MTUS2: variants seen among roughly 807,000 people sequenced by gnomAD.
MTUS2 encodes the protein microtubule associated scaffold protein 2.
MTUS2 carries 40 observed loss-of-function variants against 114.1 expected under a neutral mutation model. The ratio of observed to expected loss-of-function variants is 0.35; its 90% CI spans 0.27 to 0.46. The LOEUF is 0.46. Among genes scored for constraint, MTUS2 ranks in the 20% least tolerant of loss-of-function variants. The pLI is 1.00. For missense variants in MTUS2, 1,679 were observed against 1,705.4 expected, an observed-to-expected ratio of 0.98 and a Z score of 0.27; for synonymous variants, 688 against 672.0, an observed-to-expected ratio of 1.02 and a Z score of -0.37.
chr13:29,230,495 G>A (rs1222129871), intron 5 of MTUS2, among the ~76,000 whole-genome samples: 1 of 152,166 alleles, frequency 6.6e-6, no homozygotes, highest in South Asian at 2.1e-4. Context: ...CTTCATGCTG[G>A]CATTAACGTG....
At chr13:29,259,155 G>A (rs1897379646) in intron 5 of MTUS2, among the ~76,000 whole-genome samples, 1 of 152,206 alleles carries the variant, frequency 6.6e-6, no homozygotes, top group Admixed American at 6.5e-5. Flanking sequence ...CACTGCTCAG[G>A]GTGGGGGCGG....
At chr13:28,911,953 G>T (rs189523035) in intron 2 of MTUS2, among the ~76,000 whole-genome samples, 1 of 147,208 alleles carries the variant, frequency 6.8e-6, no homozygotes, top group Non-Finnish European at 1.5e-5. Flanking sequence ...TCTGTAGGTT[G>T]TCTCTTCACT....
intron 2 of MTUS2, among the ~76,000 whole-genome samples, chr13:28,857,946 A>G (rs1374487636): frequency 1.3e-5 from 2 of 152,328 alleles, no homozygotes; most frequent in South Asian, 2.1e-4. Flanking sequence ...GTATAAAGCC[A>G]TGCTTGGCCC....
intron 7 of MTUS2, among the ~76,000 whole-genome samples, chr13:29,337,684 C>G (rs1901144047): frequency 6.6e-6 from 1 of 151,038 alleles, no homozygotes; most frequent in African/African-American, 2.4e-5. Context: ...TCATTGCAAT[C>G]TCTGCCTCCC....
intron 12 of MTUS2, among the ~76,000 whole-genome samples, chr13:29,494,697 C>T (rs751654362): frequency 2.0e-5 from 3 of 152,010 alleles, no homozygotes; most frequent in Admixed American, 1.3e-4. Flanking sequence ...ACTAATGCAC[C>T]GGCATTTGCA....
intron 2 of MTUS2, among the ~76,000 whole-genome samples, chr13:28,990,229 A>G (rs1185510681): frequency 6.6e-6 from 1 of 151,694 alleles, no homozygotes; most frequent in Non-Finnish European, 1.5e-5. Flanking sequence ...TTGTGGAGTG[A>G]CTCTTTTCTA....
chr13:28,862,202 A>G (rs767439562), intron 2 of MTUS2, among the ~76,000 whole-genome samples: 19 of 152,214 alleles, frequency 1.2e-4, no homozygotes, highest in Non-Finnish European at 2.4e-4. Context: ...TTGGTTTGAA[A>G]TTTGGGAAAC....
intron 5 of MTUS2, among the ~76,000 whole-genome samples, chr13:29,205,486 C>A (rs1481755071): frequency 1.3e-5 from 2 of 151,912 alleles, no homozygotes; most frequent in African/African-American, 2.4e-5. Flanking sequence ...GTTGTGATTT[C>A]TGAGGTTTTG....
chr13:29,325,455 C>CAAAAA (rs761433335), intron 7 of MTUS2, among the ~76,000 whole-genome samples: 2 of 52,304 alleles, frequency 3.8e-5, no homozygotes, highest in African/African-American at 7.0e-5. Flanking sequence ...GACTTCATCT[C>CAAAAA]AAAAAAAAAA....
intron 2 of MTUS2, among the ~76,000 whole-genome samples, chr13:28,961,281 C>T (rs1883316261): frequency 6.6e-6 from 1 of 152,052 alleles, no homozygotes; most frequent in South Asian, 2.1e-4. Context: ...ATTCAAGAAA[C>T]CGAGAGAATC....
intron 5 of MTUS2, among the ~76,000 whole-genome samples, chr13:29,236,890 A>G (rs994197222): frequency 1.3e-5 from 2 of 152,218 alleles, no homozygotes; most frequent in Middle Eastern, 3.2e-3. Flanking sequence ...TGAGTCCTGG[A>G]ATGTGAGCAA....
At chr13:29,202,269 G>A (rs1290315661) in intron 5 of MTUS2, among the ~76,000 whole-genome samples, 2 of 151,908 alleles carry the variant, frequency 1.3e-5, no homozygotes, top group African/African-American at 4.8e-5. Flanking sequence ...TTCAATCTCT[G>A]ATATCCTTTT....
At chr13:28,834,923 A>G (rs984588294) in intron 1 of MTUS2, among the ~76,000 whole-genome samples, 5 of 152,232 alleles carry the variant, frequency 3.3e-5, no homozygotes, top group African/African-American at 1.2e-4. Flanking sequence ...GCCAGTAAGC[A>G]TATGGAAAGG....
chr13:29,464,395 A>T (rs1879741480), intron 9 of MTUS2, among the ~76,000 whole-genome samples: 1 of 152,260 alleles, frequency 6.6e-6, no homozygotes, highest in African/African-American at 2.4e-5. Flanking sequence ...GAACAGGAAG[A>T]TCTAGAATTC....
intron 6 of MTUS2, among the ~76,000 whole-genome samples, chr13:29,312,349 GATAA>G: frequency 6.6e-6 from 1 of 152,234 alleles, no homozygotes; most frequent in Non-Finnish European, 1.5e-5. Context: ...ATAAATATAT[GATAA>G]ATGAATGAAT....
intron 9 of MTUS2, among the ~76,000 whole-genome samples, chr13:29,473,311 C>T (rs992055390): frequency 4.6e-5 from 7 of 152,136 alleles, no homozygotes; most frequent in South Asian, 2.1e-4. Flanking sequence ...AGTCTAGTTC[C>T]GTAACCACCT....
chr13:28,940,872 C>T (rs1301212530), intron 2 of MTUS2, among the ~76,000 whole-genome samples: 1 of 151,814 alleles, frequency 6.6e-6, no homozygotes, highest in African/African-American at 2.4e-5. Context: ...GGGATGGAGG[C>T]TGGGAGGAGA....
At chr13:29,219,117 C>A (rs1220756433) in intron 5 of MTUS2, among the ~76,000 whole-genome samples, 1 of 109,644 alleles carries the variant, frequency 9.1e-6, no homozygotes, top group East Asian at 3.4e-4. Context: ...TGCTATCCCT[C>A]CCCCCTCCCC....
At chr13:28,857,058 T>C (rs1313831026) in intron 2 of MTUS2, among the ~76,000 whole-genome samples, 1 of 152,226 alleles carries the variant, frequency 6.6e-6, no homozygotes, top group East Asian at 1.9e-4. Flanking sequence ...CTGAAGGGGC[T>C]GATTGCCCAT....
Sources: allele counts gnomAD v4.1 joint callset (sites outside exome capture counted in the v4.1 genomes callset), GRCh38; gene constraint gnomAD v4.1.1; transcripts MANE v1.5; gene names NCBI Gene and HGNC (gene_info 2026-07-23, HGNC 2026-07-21).